BSN: variants seen among roughly 807,000 people sequenced by gnomAD.
The protein encoded by BSN is protein bassoon.
In BSN, 57 loss-of-function variants were observed where a neutral mutation model predicts 264.8. The observed-to-expected ratio is 0.22, with a 90% CI of 0.17 to 0.27. The LOEUF (loss-of-function observed/expected upper bound fraction) is 0.27, where lower values mean the gene tolerates loss of function less well. Among genes scored for constraint, BSN ranks in the 10% least tolerant of loss-of-function variants. The pLI is 1.00. For synonymous variants in BSN, 2,059 were observed against 2,137.3 expected (o/e 0.96, Z 1.01); for missense variants, 4,615 against 5,232.5 (o/e 0.88, Z 3.64).
intron 1 of BSN, among the ~76,000 whole-genome samples, chr3:49,610,649 A>T (rs1295918693): frequency 6.7e-6 from 1 of 148,490 alleles, no homozygotes; most frequent in African/African-American, 2.5e-5. Context: ...TTAACATGGG[A>T]TGAATAGATA....
At chr3:49,613,794 C>A (rs983650108) in intron 1 of BSN, among the ~76,000 whole-genome samples, 1 of 152,006 alleles carries the variant, frequency 6.6e-6, no homozygotes, top group African/African-American at 2.4e-5. Flanking sequence ...AGGCATGAAC[C>A]GCCATGCCCA....
chr3:49,589,082 A>ATTT (rs55919876), intron 1 of BSN, among the ~76,000 whole-genome samples: 9 of 132,446 alleles, frequency 6.8e-5, no homozygotes, highest in South Asian at 4.8e-4. Context: ...GCCTGGCTAA[A>ATTT]TTTTTTTTTT....
In BSN at chr3:49,642,475, A is replaced by G; in HGVS notation, c.841A>G (p.Thr281Ala). ...GPQPGSRQAETARATSVPGPA... is the reference protein window; with the variant it reads ...GPQPGSRQAEAARATSVPGPA... The stretch of plus-strand genomic sequence containing the variant: ...ACAGCCTGGGTCCCGCCAGGCTGAG[A>G]CAGCCAGGGCCACCTCAGTGCCGGG... The change falls in exon 3 of 12, where the codon ACA becomes GCA. Residue 281 changes from threonine (T) to alanine (A), a missense_variant. Transcript: ENST00000296452. This position sits in a 1 kb window ranked among gnomAD's most constrained non-coding sequence, Gnocchi z 7.0. The G allele has an allele frequency of 6.3e-7, 1 of 1,582,350 alleles. No homozygotes were observed. Among genetic ancestry groups the G allele is most frequent in the Non-Finnish European group, 8.6e-7 (1 of 1,165,972 alleles).
In BSN at chr3:49,654,413, C is replaced by T. The variant is rs760548488; in HGVS notation, c.4857C>T (p.Pro1619=). Residue 1619 remains proline, a synonymous_variant, in exon 5 of 12, where the codon CCC becomes CCT. Coordinates refer to ENST00000296452, the MANE Select transcript of BSN (RefSeq NM_003458.4). This position sits in a 1 kb window ranked among gnomAD's most constrained non-coding sequence, Gnocchi z 4.1. ...GGCCACCTGGCTTTCCACGGGTGCC[C>T]AGTGCTGGTGCAGATGGGCCCCTGG... ...PPGPPGFPRV[P]SAGADGPLAL... The T allele has an allele frequency of 5.0e-6, 8 of 1,600,198 alleles. No homozygotes were observed. In the Admixed American group the frequency reaches 1.4e-4, roughly 27 times the overall value.
At chr3:49,560,659 G>A (rs1372964516) in intron 1 of BSN, among the ~76,000 whole-genome samples, 1 of 152,208 alleles carries the variant, frequency 6.6e-6, no homozygotes, top group East Asian at 1.9e-4. Flanking sequence ...ATGTCATGCT[G>A]GTATTGATCC....
In BSN at chr3:49,617,684, C is replaced by T. The variant is rs1346329114; in HGVS notation, c.225-7291C>T. Among the ~76,000 whole-genome samples the T allele has an allele frequency of 2.0e-5, 3 of 152,180 alleles. No homozygotes were observed. In the East Asian group the frequency reaches 5.8e-4, roughly 29 times the overall value. ...TTTGTTTGTGTCTCTTAAGAAGAGC[C>T]TCCTGGAGGGCTTACCTCTTCCCTC... On this transcript the variant is annotated intron_variant, in intron 1 of 11. Transcript: ENST00000296452.
chr3:49,562,095 A>C (rs2051715607), intron 1 of BSN, among the ~76,000 whole-genome samples: 1 of 152,160 alleles, frequency 6.6e-6, no homozygotes, highest in South Asian at 2.1e-4. Context: ...GGTGTGAGCC[A>C]GCCACCATGC....
rs2052597050 is a variant in BSN at position 49,656,183 on chromosome 3, C to T, written c.6627C>T (p.Thr2209=). 6.2e-7 allele frequency: 1 copy of T among 1,612,318 alleles called. No individual in the cohort carries two copies. Among genetic ancestry groups the T allele is most frequent in the Admixed American group, 1.7e-5 (1 of 59,968 alleles). Residue 2209 remains threonine (T), a synonymous_variant, in exon 5 of 12, where the codon ACC becomes ACT. Transcript: ENST00000296452. ...NTPIAATLPI[T]TQPASVLRPM... ...CAATTGCTGCAACACTGCCCATCAC[C>T]ACCCAGCCTGCCTCAGTCCTGCGGC...
chr3:49,565,616 G>A (rs538090412), intron 1 of BSN, among the ~76,000 whole-genome samples: 4 of 152,126 alleles, frequency 2.6e-5, no homozygotes, highest in Non-Finnish European at 5.9e-5. Flanking sequence ...TACCGCGCCC[G>A]GCCAGGATTT....
intron 3 of BSN, among the ~76,000 whole-genome samples, chr3:49,644,476 C>T (rs2052491201): frequency 6.6e-6 from 1 of 152,218 alleles, no homozygotes; most frequent in African/African-American, 2.4e-5. Context: ...AAGGGCAGCC[C>T]TGAGCAAGAC....
intron 1 of BSN, among the ~76,000 whole-genome samples, chr3:49,595,547 A>G (rs1352220384): frequency 6.6e-6 from 1 of 151,856 alleles, no homozygotes; most frequent in East Asian, 1.9e-4. Flanking sequence ...GCTGGAGTGC[A>G]GTGGCATAAT....
intron 1 of BSN, among the ~76,000 whole-genome samples, chr3:49,604,827 G>T: frequency 6.7e-6 from 1 of 148,658 alleles, no homozygotes. Context: ...TATTTCCCCT[G>T]ACTACACCCC....
Position 49,655,203 on chromosome 3 carries a change from C to T in BSN, c.5647C>T (p.Pro1883Ser). ...GTVTTLLPEEPAGALDLTGMR... is the reference protein window; with the variant it reads ...GTVTTLLPEESAGALDLTGMR... ...TGTGACCACACTGCTCCCAGAGGAG[C>T]CTGCGGGTGCCCTGGACCTTACCGG... The change falls in exon 5 of 12, where the codon CCT becomes TCT. Residue 1883 changes from proline (P) to serine (S), a missense_variant. Pro to Ser is a moderately conservative substitution (Grantham distance 74). This residue lies in a region of BSN where 3,415 missense variants were observed against 3,866.4 expected (regional missense o/e 0.88). Coordinates refer to ENST00000296452, the MANE Select transcript of BSN (RefSeq NM_003458.4). The T allele has an allele frequency of 6.2e-7, 1 of 1,612,998 alleles. No homozygotes were observed. Among genetic ancestry groups the T allele is most frequent in the Admixed American group, 1.7e-5 (1 of 60,026 alleles).
At chr3:49,631,643 T>G (rs1199154234) in intron 2 of BSN, among the ~76,000 whole-genome samples, 1 of 151,242 alleles carries the variant, frequency 6.6e-6, no homozygotes, top group African/African-American at 2.4e-5. Flanking sequence ...TGGGAGGCAG[T>G]TGGAAAAAGA....
At chr3:49,586,408 T>A (rs2051938472) in intron 1 of BSN, among the ~76,000 whole-genome samples, 1 of 152,190 alleles carries the variant, frequency 6.6e-6, no homozygotes, top group Admixed American at 6.5e-5. Context: ...AGGGTCTCAC[T>A]CTGTTGCCCA....
In BSN at chr3:49,662,335, T is replaced by A. The variant is rs759213356; in HGVS notation, c.10490T>A (p.Met3497Lys). ...GCCCACAGCCGGGTACGACCCCCCA[T>A]GCGGAGCCAGGCCTCTGAAGAGGAG... ...SMAHSRVRPP[M>K]RSQASEEESP... is the part of the protein sequence containing the mutation. The change falls in exon 6 of 12, where the codon ATG becomes AAG. Residue 3497 changes from methionine (M) to lysine (K), a missense_variant. Met to Lys is a moderately conservative substitution (Grantham distance 95, BLOSUM62 -1). Around this residue, in one of 3 missense-constraint regions of BSN, gnomAD observed 3,415 missense variants for 3,866.4 expected, o/e 0.88. Transcript: ENST00000296452. 6.2e-7 allele frequency: 1 copy of A among 1,613,476 alleles called. No homozygotes were observed. Among genetic ancestry groups the A allele is most frequent in the Non-Finnish European group, 8.5e-7 (1 of 1,179,762 alleles).
chr3:49,562,437 C>T (rs899195097), intron 1 of BSN, among the ~76,000 whole-genome samples: 18 of 152,146 alleles, frequency 1.2e-4, no homozygotes, highest in Admixed American at 1.2e-3. Flanking sequence ...ACTTCTTCTT[C>T]CTTAAATTAG....
chr3:49,614,162 C>G, intron 1 of BSN, among the ~76,000 whole-genome samples: 1 of 148,944 alleles, frequency 6.7e-6, no homozygotes, highest in East Asian at 2.0e-4. Flanking sequence ...CAGGTTCATG[C>G]CATTCTCCTG....
rs568134109 is a variant in BSN, at chr3:49,629,939, A to G, written c.633+4556A>G. 4.0e-5 allele frequency among the ~76,000 whole-genome samples: 6 copies of G among 151,832 alleles called. No homozygotes were observed. In the East Asian group the frequency reaches 9.7e-4, roughly 25 times the overall value. On this transcript the variant is annotated intron_variant, in intron 2 of 11. Transcript: ENST00000296452. Reference sequence around the variant, plus strand: ...GGATATTTAACCCATACCATCCCCAACTCCTACCCAATGGCAAACCATGAG... The same window carrying G: ...GGATATTTAACCCATACCATCCCCAGCTCCTACCCAATGGCAAACCATGAG...
Sources: gnomAD v4.1 joint callset for allele counts (sites outside exome capture counted in the v4.1 genomes callset) on GRCh38, gnomAD v4.1.1 for gene constraint, gnomAD v4.1.1 regional missense constraint, Gnocchi (gnomAD v3.1) non-coding constraint, MANE v1.5 for transcripts, NCBI Gene and HGNC (gene_info 2026-07-23, HGNC 2026-07-21) for gene names.